HMCES: variants seen among roughly 807,000 people sequenced by gnomAD.
HMCES encodes the protein abasic site processing protein HMCES.
Under a neutral mutation model 35.1 loss-of-function variants are expected in HMCES, and 27 were observed. The observed-to-expected ratio is 0.77, with a 90% CI of 0.57 to 1.06. HMCES has a LOEUF of 1.06. Among genes scored for constraint, HMCES ranks in the 50% least tolerant of loss-of-function variants. The probability of loss-of-function intolerance (pLI) is 0.00; values close to 1 mark genes in which losing one functional copy is unlikely to be tolerated. For synonymous variants in HMCES, 130 were observed against 154.7 expected (o/e 0.84, Z 1.18); for missense variants, 391 against 430.4 (o/e 0.91, Z 0.81).
chr3:129,301,507 G>A (rs968109618), intron 5 of HMCES, among the ~76,000 whole-genome samples: 1 of 152,186 alleles, frequency 6.6e-6, no homozygotes, highest in Admixed American at 6.5e-5. Flanking sequence ...GGTACCAGGA[G>A]TCATGTTTGA....
At chr3:129,283,539 CTT>C (rs1940554690) in intron 2 of HMCES, among the ~76,000 whole-genome samples, 1 of 151,952 alleles carries the variant, frequency 6.6e-6, no homozygotes. Context: ...TCTCAAGACT[CTT>C]GAGCTCAGGC....
chr3:129,291,517 A>G (rs139887996), intron 4 of HMCES, among the ~76,000 whole-genome samples: 76 of 152,334 alleles, frequency 5.0e-4, no homozygotes, highest in East Asian at 2.9e-3. Context: ...TTGATTTAGC[A>G]TAATGTTTTC....
In HMCES at chr3:129,302,081, T is replaced by C; in HGVS notation, c.767T>C (p.Val256Ala). ...NITFHAVSSV[V>A]NNSRNNTPEC... is the part of the protein sequence containing the mutation. ...ACCTTCCATGCAGTCTCTTCTGTGG[T>C]GAACAACTCGCGAAACAACACTCCT... The change falls in exon 6 of 7, where the codon GTG becomes GCG. Residue 256 changes from valine to alanine, a missense_variant. Coordinates refer to ENST00000383463, the MANE Select transcript of HMCES (RefSeq NM_020187.3). 10 of 1,613,864 alleles carry C rather than the reference T, an allele frequency of 6.2e-6. No individual in the cohort carries two copies. Among genetic ancestry groups the C allele is most frequent in the Non-Finnish European group, 8.5e-6 (10 of 1,179,874 alleles).
At chr3:129,292,992 CAT>C (rs1469411791) in intron 4 of HMCES, among the ~76,000 whole-genome samples, 1 of 152,162 alleles carries the variant, frequency 6.6e-6, no homozygotes, top group African/African-American at 2.4e-5. Context: ...ATATAGGTCT[CAT>C]GTGCAAATTC....
chr3:129,301,191 C>T (rs79755787), intron 5 of HMCES, among the ~76,000 whole-genome samples: 8 of 92,982 alleles, frequency 8.6e-5, no homozygotes, highest in Admixed American at 5.9e-4. Flanking sequence ...GACTCTGTCT[C>T]AAAAAAAAAA....
At chr3:129,284,610 T>C (rs1940585156) in intron 2 of HMCES, among the ~76,000 whole-genome samples, 1 of 152,044 alleles carries the variant, frequency 6.6e-6, no homozygotes. Context: ...TGTATATATA[T>C]GAAAAGAGAA....
At chr3:129,303,783 C>T (rs2071200838) in intron 6 of HMCES, among the ~76,000 whole-genome samples, 1 of 151,704 alleles carries the variant, frequency 6.6e-6, no homozygotes, top group Admixed American at 6.6e-5. Context: ...TGCTCTGTTG[C>T]CCAGGTTAGA....
At chr3:129,300,604 T>C (rs1560078123) in intron 5 of HMCES, among the ~76,000 whole-genome samples, 1 of 152,184 alleles carries the variant, frequency 6.6e-6, no homozygotes, top group African/African-American at 2.4e-5. Flanking sequence ...TGTGAAAATA[T>C]GCTTTCATGT....
Position 129,300,685 on chromosome 3 carries a change from A to G in HMCES, c.636-1265A>G, listed in dbSNP as rs1262149968. 2.6e-5 allele frequency among the ~76,000 whole-genome samples: 4 copies of G among 152,208 alleles called. No homozygotes were observed. The East Asian group carries it at 5.8e-4, about 22-fold the overall frequency. On this transcript the variant is annotated intron_variant, in intron 5 of 6. Transcript: ENST00000383463. ...GCCGAGGTGGGTGGATCACGAGTTC[A>G]GGAGATCAAGACCATCCTGGCGAAC...
intron 2 of HMCES, among the ~76,000 whole-genome samples, chr3:129,287,390 A>ATT (rs550802784): frequency 1.1e-4 from 16 of 141,854 alleles, no homozygotes; most frequent in Admixed American, 3.5e-4. Context: ...CACCAGAATA[A>ATT]TTTTTTTTTT....
chr3:129,295,444 A>AC (rs1480312880), intron 4 of HMCES, among the ~76,000 whole-genome samples: 1 of 151,814 alleles, frequency 6.6e-6, no homozygotes, highest in East Asian at 1.9e-4. Context: ...CAAAAAAAAA[A>AC]ACAAAAAAAA....
At chr3:129,286,252 T>G (rs1940634938) in intron 2 of HMCES, among the ~76,000 whole-genome samples, 1 of 152,188 alleles carries the variant, frequency 6.6e-6, no homozygotes, top group African/African-American at 2.4e-5. Context: ...GATAGGACCT[T>G]TGGGAATCAA....
intron 5 of HMCES, 89 bp from the exon 6 acceptor site, chr3:129,301,861 T>C (rs1266191458): frequency 3.9e-5 from 41 of 1,041,418 alleles, no homozygotes; most frequent in Non-Finnish European, 4.8e-5. Flanking sequence ...CTTGTGATAT[T>C]TGAGGTATCA....
Position 129,304,585 on chromosome 3 carries a change from G to A in HMCES, c.829-4G>A, listed in dbSNP as rs775094891. On this transcript the variant is annotated splice_region_variant and splice_polypyrimidine_tract_variant and intron_variant, in intron 6 of 6. Transcript: ENST00000383463. Reference sequence around the variant, plus strand: ...TGGTTTGAGCTTTTTCCTCTTTCTTGTAGGAGCTCAGGGCAAGTGGCAGTA... The same window carrying A: ...TGGTTTGAGCTTTTTCCTCTTTCTTATAGGAGCTCAGGGCAAGTGGCAGTA... 1.2e-6 allele frequency: 2 copies of A among 1,613,202 alleles called. No homozygotes were observed. Among genetic ancestry groups the A allele is most frequent in the East Asian group, 2.2e-5 (1 of 44,892 alleles).
chr3:129,304,554 G>GCTGTATGGTTT, intron 6 of HMCES, 35 bp from the exon 7 acceptor site: 1 of 1,573,064 alleles, frequency 6.4e-7, no homozygotes, highest in Non-Finnish European at 8.7e-7. Flanking sequence ...AAAAGCTTGA[G>GCTGTATGGTTT]CTGTATGGTT....
chr3:129,290,140 G>A (rs1343942818), intron 3 of HMCES, among the ~76,000 whole-genome samples: 1 of 144,384 alleles, frequency 6.9e-6, no homozygotes, highest in Admixed American at 7.0e-5. Flanking sequence ...GCAGTGAGCC[G>A]AGATCACGCC....
intron 3 of HMCES, 49 bp downstream of exon 3, chr3:129,289,046 T>G: frequency 7.0e-7 from 1 of 1,427,054 alleles, no homozygotes; most frequent in Non-Finnish European, 9.4e-7. Flanking sequence ...GAAATAAGGT[T>G]CCAAAGGGTG....
At chr3:129,302,625 G>A (rs2071183451) in intron 6 of HMCES, among the ~76,000 whole-genome samples, 1 of 152,164 alleles carries the variant, frequency 6.6e-6, no homozygotes, top group African/African-American at 2.4e-5. Flanking sequence ...GCTGAGGCAG[G>A]AGAATCACTT....
chr3:129,295,769 C>G (rs946170830), intron 4 of HMCES, among the ~76,000 whole-genome samples: 2 of 152,162 alleles, frequency 1.3e-5, no homozygotes, highest in Non-Finnish European at 2.9e-5. Flanking sequence ...CCTCCACCTC[C>G]CTCCACCCCT....
Sources: allele counts gnomAD v4.1 joint callset (sites outside exome capture counted in the v4.1 genomes callset), GRCh38; gene constraint gnomAD v4.1.1; transcripts MANE v1.5; gene names NCBI Gene and HGNC (gene_info 2026-07-23, HGNC 2026-07-21).